ADAM29: variants seen among roughly 807,000 people sequenced by gnomAD.
The protein encoded by ADAM29 is disintegrin and metalloproteinase domain-containing protein 29.
For synonymous variants in ADAM29, 367 were observed against 342.3 expected (o/e 1.07, Z -0.80); for missense variants, 969 against 1,001.8 (o/e 0.97, Z 0.44).
chr4:174,967,670 T>G (rs999641946), intron 4 of ADAM29, among the ~76,000 whole-genome samples: 7 of 152,198 alleles, frequency 4.6e-5, no homozygotes, highest in African/African-American at 1.7e-4. Context: ...CTAGTGCAAT[T>G]TATTTGCAAT....
At chr4:174,947,492 C>A (rs1744921746) in intron 4 of ADAM29, among the ~76,000 whole-genome samples, 1 of 152,278 alleles carries the variant, frequency 6.6e-6, no homozygotes, top group South Asian at 2.1e-4. Context: ...GCCTTAATTT[C>A]ATTGTTTACC....
In ADAM29 at chr4:174,977,480, A is replaced by G. The variant is rs1560900362; in HGVS notation, c.1955A>G (p.Asn652Ser). 6.2e-7 allele frequency: 1 copy of G among 1,614,132 alleles called. No individual in the cohort carries two copies. Among genetic ancestry groups the G allele is most frequent in the Non-Finnish European group, 8.5e-7 (1 of 1,180,014 alleles). Residue 652 changes from asparagine to serine, a missense_variant, in exon 5 of 5, where the codon AAC (asparagine) becomes AGC (serine). Coordinates refer to ENST00000359240, the MANE Select transcript of ADAM29 (RefSeq NM_014269.4). The stretch of plus-strand genomic sequence containing the variant: ...TGCAATTATCTGTGGGACCCTCCCA[A>G]CTGCCTGATAAAAGGCTATGGAGGT... ...CHCNYLWDPP[N>S]CLIKGYGGSV... is the part of the protein sequence containing the mutation.
intron 4 of ADAM29, among the ~76,000 whole-genome samples, chr4:174,972,910 G>C (rs142274843): frequency 6.6e-6 from 1 of 152,174 alleles, no homozygotes; most frequent in East Asian, 1.9e-4. Context: ...GAAGATCTAT[G>C]CTGTCTACCA....
chr4:174,956,532 A>G (rs1188476392), intron 4 of ADAM29, among the ~76,000 whole-genome samples: 1 of 151,238 alleles, frequency 6.6e-6, no homozygotes, highest in Non-Finnish European at 1.5e-5. Flanking sequence ...GAAAAAAAAG[A>G]GAGAGAATAA....
At chr4:174,953,266 A>G (rs1579051681) in intron 4 of ADAM29, among the ~76,000 whole-genome samples, 1 of 152,150 alleles carries the variant, frequency 6.6e-6, no homozygotes. Context: ...AGCCTGGGCA[A>G]CAGAGCAAGA....
chr4:174,962,336 C>G (rs1030139639), intron 4 of ADAM29, among the ~76,000 whole-genome samples: 1 of 151,866 alleles, frequency 6.6e-6, no homozygotes, highest in Non-Finnish European at 1.5e-5. Flanking sequence ...ACGGTGAAAC[C>G]CCGTCTCTAC....
chr4:174,932,400 G>A (rs1743940595), intron 3 of ADAM29, among the ~76,000 whole-genome samples: 1 of 152,146 alleles, frequency 6.6e-6, no homozygotes, highest in Non-Finnish European at 1.5e-5. Context: ...TCAAATATTA[G>A]GATCTAGTGG....
chr4:174,974,866 A>G (rs1412713644), intron 4 of ADAM29, among the ~76,000 whole-genome samples: 1 of 152,218 alleles, frequency 6.6e-6, no homozygotes, highest in Admixed American at 6.5e-5. Flanking sequence ...AAAATTTAAA[A>G]TAACATAAGA....
At chr4:174,936,874 C>T (rs1331813185) in intron 3 of ADAM29, 59 bp from the exon 4 acceptor site, 2 of 151,904 alleles carry the variant, frequency 1.3e-5, no homozygotes, top group South Asian at 4.1e-4. Context: ...CAATATAGAA[C>T]AATGAGAATT....
At chr4:174,939,956 C>G (rs529277277) in intron 4 of ADAM29, among the ~76,000 whole-genome samples, 9 of 152,154 alleles carry the variant, frequency 5.9e-5, no homozygotes, top group East Asian at 1.9e-4. Flanking sequence ...CTCCCTTCCT[C>G]TCTCCTTCCT....
At position 174,971,800 on chromosome 4, in the gene ADAM29, T is replaced by A. The variant is rs529747878; in HGVS notation, c.-180-3546T>A. Among the ~76,000 whole-genome samples the A allele has an allele frequency of 6.6e-5, 10 of 152,256 alleles. No individual in the cohort carries two copies. The East Asian group carries it at 1.9e-3, about 29-fold the overall frequency. On this transcript the variant is annotated intron_variant, in intron 4 of 4. Coordinates refer to ENST00000359240, the MANE Select transcript of ADAM29 (RefSeq NM_014269.4). Reference sequence around the variant, plus strand: ...TCTTTAAATAGGCTTTCTGGCCCCTTCTCTCTTCTCCTCTGATACTTCCTT... The same window carrying A: ...TCTTTAAATAGGCTTTCTGGCCCCTACTCTCTTCTCCTCTGATACTTCCTT...
chr4:174,947,205 G>C (rs1366308480), intron 4 of ADAM29, among the ~76,000 whole-genome samples: 3 of 151,724 alleles, frequency 2.0e-5, no homozygotes, highest in Non-Finnish European at 2.9e-5. Flanking sequence ...ACTCCTGCTG[G>C]ATTTGTTGAT....
intron 4 of ADAM29, among the ~76,000 whole-genome samples, chr4:174,955,012 G>T (rs1054703224): frequency 6.6e-6 from 1 of 151,862 alleles, no homozygotes; most frequent in Non-Finnish European, 1.5e-5. Context: ...ATATCATAAA[G>T]ATTTTAAATG....
At chr4:174,967,392 AG>A (rs1241362981) in intron 4 of ADAM29, among the ~76,000 whole-genome samples, 1 of 152,148 alleles carries the variant, frequency 6.6e-6, no homozygotes, top group Non-Finnish European at 1.5e-5. Context: ...GGAGTTTCTA[AG>A]AAATGTGTCT....
chr4:174,948,647 T>A (rs1046072032), intron 4 of ADAM29, among the ~76,000 whole-genome samples: 3 of 152,310 alleles, frequency 2.0e-5, no homozygotes, highest in African/African-American at 7.2e-5. Context: ...CTTGCTCACA[T>A]GTGCCAGCAG....
At chr4:174,940,019 C>T (rs1381979480) in intron 4 of ADAM29, among the ~76,000 whole-genome samples, 6 of 151,996 alleles carry the variant, frequency 3.9e-5, no homozygotes, top group South Asian at 2.1e-4. Context: ...CTTCCTTCCC[C>T]CCTTCTTTCC....
chr4:174,965,167 G>T lies in ADAM29; in HGVS notation c.-180-10179G>T, dbSNP rs373295280. ...TTTGGCTTATGATTTTAGGTCTTGT[G>T]AGGGACTCCCTCATGCTGCTTCCTC... is the stretch of plus-strand genomic sequence containing the variant. On this transcript the variant is annotated intron_variant, in intron 4 of 4. Coordinates refer to ENST00000359240, the MANE Select transcript of ADAM29 (RefSeq NM_014269.4). Among the ~76,000 whole-genome samples, 55 of 152,266 alleles carry T rather than the reference G, an allele frequency of 3.6e-4. No homozygotes were observed. In the South Asian group the frequency reaches 9.3e-3, roughly 26 times the overall value.
intron 2 of ADAM29, among the ~76,000 whole-genome samples, chr4:174,925,705 G>C (rs938856281): frequency 1.3e-5 from 2 of 152,172 alleles, no homozygotes; most frequent in African/African-American, 4.8e-5. Flanking sequence ...CATTTCAAAG[G>C]GAAAAGGAAG....
chr4:174,970,375 C>T (rs775784166), intron 4 of ADAM29, among the ~76,000 whole-genome samples: 2 of 151,922 alleles, frequency 1.3e-5, no homozygotes, highest in African/African-American at 2.4e-5. Context: ...TTCTTATAAG[C>T]GAAGGAGGGA....
Sources: gnomAD v4.1 joint callset for allele counts (sites outside exome capture counted in the v4.1 genomes callset) on GRCh38, gnomAD v4.1.1 for gene constraint, MANE v1.5 for transcripts, NCBI Gene and HGNC (gene_info 2026-07-23, HGNC 2026-07-21) for gene names.